PAX2: variants seen among roughly 807,000 people sequenced by gnomAD.
PAX2 encodes the protein paired box 2, also known as paired box protein Pax-2.
PAX2 carries 9 observed loss-of-function variants against 41.7 expected under a neutral mutation model. The observed-to-expected ratio is 0.22, with a 90% CI of 0.13 to 0.38. The LOEUF is 0.38. Ranked by LOEUF, PAX2 falls within the 10% of genes least tolerant of loss-of-function variation. The pLI, the probability that PAX2 is intolerant of heterozygous loss-of-function variation, is 1.00. For synonymous variants in PAX2, 221 were observed against 212.7 expected (o/e 1.04, Z -0.34); for missense variants, 418 against 531.6 (o/e 0.79, Z 2.10).
intron 3 of PAX2, among the ~76,000 whole-genome samples, chr10:100,777,434 G>T (rs1456300452): frequency 8.4e-5 from 11 of 130,954 alleles, no homozygotes; most frequent in Non-Finnish European, 1.8e-4. Flanking sequence ...TCACTCTATT[G>T]CCCAGACTGG....
chr10:100,796,580 A>C (rs1249444678), intron 5 of PAX2, among the ~76,000 whole-genome samples: 2 of 152,204 alleles, frequency 1.3e-5, no homozygotes, highest in Non-Finnish European at 2.9e-5. Context: ...TTATAGAAGC[A>C]GAATTTCATT....
At chr10:100,782,870 G>T (rs1345641672) in intron 5 of PAX2, among the ~76,000 whole-genome samples, 1 of 152,244 alleles carries the variant, frequency 6.6e-6, no homozygotes, top group East Asian at 1.9e-4. Context: ...GGCACCCCAA[G>T]TGCTTTGGTA....
At chr10:100,816,628 C>T (rs527669192) in intron 7 of PAX2, among the ~76,000 whole-genome samples, 1 of 152,188 alleles carries the variant, frequency 6.6e-6, no homozygotes, top group South Asian at 2.1e-4. Context: ...GACAGGAAGA[C>T]CCCCCACTTT....
intron 5 of PAX2, among the ~76,000 whole-genome samples, chr10:100,800,403 T>C (rs1365133815): frequency 6.6e-6 from 1 of 151,520 alleles, no homozygotes; most frequent in African/African-American, 2.4e-5. Flanking sequence ...CTCAGCCTCC[T>C]GAGTAGCTGA....
At position 100,827,798 on chromosome 10, in the gene PAX2, G is replaced by A. The variant is rs1848637246; in HGVS notation, c.*179G>A. ...TTCACATCACCCCCCTCGAAGGTCG[G>A]ACAGGACGGGTGGAGCCGTGGGCGG... On this transcript the variant is annotated 3_prime_UTR_variant, in exon 10 of 10. Transcript: ENST00000355243. The surrounding 1 kb of genome is among the most constrained non-coding windows in gnomAD (Gnocchi z 8.5). 5 of 923,828 alleles carry A rather than the reference G, an allele frequency of 5.4e-6. No individual in the cohort carries two copies. The highest frequency in any genetic ancestry group is 2.2e-5 in the Admixed American group (1 of 45,630). The allele number at this position is 923,828 out of a possible 1,614,324, so 57.2% of individuals were successfully genotyped here.
chr10:100,748,359 T>C lies in PAX2; in HGVS notation c.44-1387T>C, dbSNP rs1225493373. ...TGGGCAAGGGGGTAAAAGAAGGGGC[T>C]TCAGTCTCTCCCAGCAACGCGATCA... On this transcript the variant is annotated intron_variant, in intron 1 of 9. Coordinates refer to ENST00000355243, the MANE Select transcript of PAX2 (RefSeq NM_000278.5). This position sits in a 1 kb window ranked among gnomAD's most constrained non-coding sequence, Gnocchi z 5.0. The C allele has an allele frequency of 4.1e-6, 4 of 984,044 alleles. No individual in the cohort carries two copies. Among genetic ancestry groups the C allele is most frequent in the Non-Finnish European group, 4.8e-6 (4 of 829,194 alleles). 61.0% of individuals were successfully genotyped at this position (984,044 alleles called of 1,614,324 possible). A position where few individuals can be genotyped will look rare whatever the true frequency, so the allele number is the denominator to read the frequency against.
rs1356487240 is a variant in PAX2 at position 100,791,167 on chromosome 10, G to A, written c.616+9802G>A. On this transcript the variant is annotated intron_variant, in intron 5 of 9. Transcript: ENST00000355243. This position sits in a 1 kb window ranked among gnomAD's most constrained non-coding sequence, Gnocchi z 4.5. ...GCATCCCCTCCCTCCCTGAGGCTCC[G>A]CCTGCCTGCTTCAAAGCACCCTTTG... Among the ~76,000 whole-genome samples, 3 of 152,282 alleles carry A rather than the reference G, an allele frequency of 2.0e-5. No homozygotes were observed. The highest frequency in any genetic ancestry group is 6.5e-5 in the Admixed American group (1 of 15,304).
chr10:100,792,710 C>G (rs988027430), intron 5 of PAX2, among the ~76,000 whole-genome samples: 5 of 151,890 alleles, frequency 3.3e-5, no homozygotes, highest in Non-Finnish European at 5.9e-5. Flanking sequence ...CCTTTCTCCC[C>G]CCTGCTCTCT....
At chr10:100,776,879 C>G (rs906513604) in intron 3 of PAX2, among the ~76,000 whole-genome samples, 2 of 152,130 alleles carry the variant, frequency 1.3e-5, no homozygotes, top group African/African-American at 4.8e-5. Context: ...AAATTCTTCC[C>G]TTTCTTTCCT....
chr10:100,742,642 G>A (rs1248385116), upstream of PAX2, among the ~76,000 whole-genome samples: 1 of 152,070 alleles, frequency 6.6e-6, no homozygotes, highest in Non-Finnish European at 1.5e-5. Flanking sequence ...ATTTCCGCAG[G>A]GAGGCGGGCT....
At chr10:100,819,664 C>T (rs115564196) in intron 7 of PAX2, among the ~76,000 whole-genome samples, 1,704 of 152,210 alleles carry the variant, frequency 0.011, 37 homozygotes, top group African/African-American at 0.039. Context: ...TTAAGGACAC[C>T]GCCCAGCATA....
At position 100,791,553 on chromosome 10, in the gene PAX2, A is replaced by G. The variant is rs1847119807; in HGVS notation, c.616+10188A>G. Among the ~76,000 whole-genome samples the G allele has an allele frequency of 6.6e-6, 1 of 152,184 alleles. No homozygotes were observed. Among genetic ancestry groups the G allele is most frequent in the Non-Finnish European group, 1.5e-5 (1 of 68,028 alleles). On this transcript the variant is annotated intron_variant, in intron 5 of 9. Coordinates refer to ENST00000355243, the MANE Select transcript of PAX2 (RefSeq NM_000278.5). This position sits in a 1 kb window ranked among gnomAD's most constrained non-coding sequence, Gnocchi z 4.5. ...CCTAGGGAGAGCTGGATTCCATCCA[A>G]CAGCCTCCCAGAGCCTGCCAAACAG...
At chr10:100,754,553 AG>A (rs984670598) in intron 3 of PAX2, among the ~76,000 whole-genome samples, 2 of 152,218 alleles carry the variant, frequency 1.3e-5, no homozygotes. Flanking sequence ...GGCTGTGTTA[AG>A]GAATTCCATC....
At chr10:100,821,444 C>T (rs1231783959) in intron 7 of PAX2, among the ~76,000 whole-genome samples, 1 of 152,192 alleles carries the variant, frequency 6.6e-6, no homozygotes, top group Non-Finnish European at 1.5e-5. Flanking sequence ...TGTCTTGGGA[C>T]TCTTCTTTCA....
In PAX2 at chr10:100,829,790, G is replaced by GA. The variant is rs1484395328; in HGVS notation, c.*2172dup. ...TGGGGCTGGCCGGGCAGAGACCCCG[G>GA]ACCCAGGCCCAGGCCTAACCTGCTA... On this transcript the variant is annotated 3_prime_UTR_variant, in exon 10 of 10. Coordinates refer to ENST00000355243, the MANE Select transcript of PAX2 (RefSeq NM_000278.5). 4.9e-6 allele frequency: 1 copy of GA among 204,888 alleles called. No individual in the cohort carries two copies. Among genetic ancestry groups the GA allele is most frequent in the Non-Finnish European group, 1.0e-5 (1 of 99,768 alleles). The allele number at this position is 204,888 out of a possible 1,614,324, so 12.7% of individuals were successfully genotyped here. A position where few individuals can be genotyped will look rare whatever the true frequency, so the allele number is the denominator to read the frequency against.
intron 7 of PAX2, among the ~76,000 whole-genome samples, chr10:100,817,777 C>T (rs1453895801): frequency 6.6e-6 from 1 of 152,130 alleles, no homozygotes; most frequent in Non-Finnish European, 1.5e-5. Flanking sequence ...CCCTAGAGGA[C>T]AACTCAAATC....
At chr10:100,751,200 C>A (rs1227922060) in intron 3 of PAX2, among the ~76,000 whole-genome samples, 3 of 152,312 alleles carry the variant, frequency 2.0e-5, no homozygotes, top group African/African-American at 4.8e-5. Flanking sequence ...GATCTTGAGA[C>A]AATCACAGCC....
At chr10:100,777,792 C>T (rs945866441) in intron 3 of PAX2, among the ~76,000 whole-genome samples, 9 of 152,094 alleles carry the variant, frequency 5.9e-5, no homozygotes, top group East Asian at 1.9e-4. Context: ...GGTGGTTGTG[C>T]GAATTAACAG....
Position 100,746,139 on chromosome 10 carries a change from G to T in PAX2, c.-122G>T. The T allele has an allele frequency of 1.3e-6, 2 of 1,550,198 alleles. No homozygotes were observed. The highest frequency in any genetic ancestry group is 1.7e-6 in the Non-Finnish European group (2 of 1,147,888). On this transcript the variant is annotated 5_prime_UTR_variant, in exon 1 of 10. Coordinates refer to ENST00000355243, the MANE Select transcript of PAX2 (RefSeq NM_000278.5). ...CCCCGCCCCCGCGCGCCCCGCAGCAGCCGGGCGTTCACTCATCCTCCCTCC... is the reference window on the plus strand; with the variant it reads ...CCCCGCCCCCGCGCGCCCCGCAGCATCCGGGCGTTCACTCATCCTCCCTCC...
Sources: gnomAD v4.1 joint callset for allele counts (sites outside exome capture counted in the v4.1 genomes callset) on GRCh38, gnomAD v4.1.1 for gene constraint, Gnocchi (gnomAD v3.1) non-coding constraint, MANE v1.5 for transcripts, NCBI Gene and HGNC (gene_info 2026-07-23, HGNC 2026-07-21) for gene names.